DPP10: variants seen among roughly 807,000 people sequenced by gnomAD.
The protein encoded by DPP10 is inactive dipeptidyl peptidase 10.
Under a neutral mutation model 120.9 loss-of-function variants are expected in DPP10, and 33 were observed. The observed-to-expected ratio is 0.27, with a 90% CI of 0.21 to 0.37. DPP10 has a LOEUF of 0.37. Among genes scored for constraint, DPP10 ranks in the 10% least tolerant of loss-of-function variants. The pLI, the probability that DPP10 is intolerant of heterozygous loss-of-function variation, is 1.00. For missense variants in DPP10, 816 were observed against 942.8 expected (o/e 0.87, Z 1.76); for synonymous variants, 337 against 326.1 (o/e 1.03, Z -0.36).
intron 1 of DPP10, among the ~76,000 whole-genome samples, chr2:115,081,187 A>G (rs1258662309): frequency 1.3e-5 from 2 of 152,220 alleles, no homozygotes; most frequent in Non-Finnish European, 1.5e-5. Context: ...AAAATTGTCA[A>G]TCACAATCTT....
chr2:115,075,373 A>G (rs1020915237), intron 1 of DPP10, among the ~76,000 whole-genome samples: 1 of 152,240 alleles, frequency 6.6e-6, no homozygotes, highest in African/African-American at 2.4e-5. Flanking sequence ...GTGTGTAAAG[A>G]TACAGTCAGT....
chr2:115,413,167 A>G (rs1054313739), intron 3 of DPP10, among the ~76,000 whole-genome samples: 2 of 152,132 alleles, frequency 1.3e-5, no homozygotes. Context: ...CATCTGAGGA[A>G]GAGGAAGCAG....
At chr2:115,401,896 GAA>G (rs35488394) in intron 3 of DPP10, among the ~76,000 whole-genome samples, 1 of 146,032 alleles carries the variant, frequency 6.8e-6, no homozygotes, top group African/African-American at 2.5e-5. Flanking sequence ...GGATTTAGCA[GAA>G]AAAAAAAAAT....
At chr2:115,640,877 A>G (rs1465674665) in intron 5 of DPP10, among the ~76,000 whole-genome samples, 1 of 152,212 alleles carries the variant, frequency 6.6e-6, no homozygotes, top group Non-Finnish European at 1.5e-5. Flanking sequence ...ATTAATTTAT[A>G]AAGTACAAAG....
chr2:114,778,834 A>G (rs927905369), intron 1 of DPP10, among the ~76,000 whole-genome samples: 2 of 152,112 alleles, frequency 1.3e-5, no homozygotes, highest in African/African-American at 2.4e-5. Context: ...AGCCTCTGCC[A>G]TAGGGTTCTA....
chr2:114,603,676 C>T (rs916536996), intron 1 of DPP10, among the ~76,000 whole-genome samples: 6 of 152,006 alleles, frequency 3.9e-5, no homozygotes, highest in East Asian at 1.9e-4. Context: ...GAGGATGGGG[C>T]GGTAAACTTG....
chr2:114,628,146 A>G (rs1171803731), intron 1 of DPP10, among the ~76,000 whole-genome samples: 2 of 152,168 alleles, frequency 1.3e-5, no homozygotes, highest in African/African-American at 4.8e-5. Flanking sequence ...AGTTTGTGAC[A>G]GGTGACATTA....
chr2:115,297,222 G>T (rs1009211447), intron 1 of DPP10: 3 of 285,170 alleles, frequency 1.1e-5, no homozygotes, highest in Admixed American at 4.2e-5. Context: ...AGATAATGCT[G>T]CATGGCATAA....
chr2:115,554,479 A>G (rs1404074669), intron 5 of DPP10, among the ~76,000 whole-genome samples: 1 of 152,062 alleles, frequency 6.6e-6, no homozygotes, highest in African/African-American at 2.4e-5. Context: ...TTTGGGGTAG[A>G]TGCACTAAAT....
At chr2:115,483,152 C>T (rs115892667) in intron 3 of DPP10, among the ~76,000 whole-genome samples, 2,293 of 152,114 alleles carry the variant, frequency 0.015, 44 homozygotes, top group African/African-American at 0.052. Flanking sequence ...ATGGTAGTTA[C>T]GTTACCTCCA....
intron 1 of DPP10, among the ~76,000 whole-genome samples, chr2:115,198,132 A>C (rs1458746114): frequency 6.6e-6 from 1 of 152,198 alleles, no homozygotes; most frequent in Non-Finnish European, 1.5e-5. Context: ...GAAATGATTC[A>C]TATATTTGCA....
Position 115,717,869 on chromosome 2 carries a change from G to A in DPP10, c.577-9947G>A, listed in dbSNP as rs980609315. 2.2e-4 allele frequency among the ~76,000 whole-genome samples: 34 copies of A among 152,050 alleles called. 1 individual carries two copies. The highest frequency in any genetic ancestry group is 6.0e-4 in the African/African-American group (25 of 41,364). On this transcript the variant is annotated intron_variant, in intron 7 of 25. Coordinates refer to ENST00000410059, the MANE Select transcript of DPP10 (RefSeq NM_020868.6). ...ATCTCAAAATTCAGGGTCCTGGGTGGGGGCATGACCTAAGGATATTTTATC... is the reference window on the plus strand; with the variant it reads ...ATCTCAAAATTCAGGGTCCTGGGTGAGGGCATGACCTAAGGATATTTTATC...
At chr2:114,470,771 A>G (rs1049917035) in intron 1 of DPP10, among the ~76,000 whole-genome samples, 1 of 152,236 alleles carries the variant, frequency 6.6e-6, no homozygotes, top group African/African-American at 2.4e-5. Context: ...CACAATGACC[A>G]AAGCCAGAGT....
At chr2:115,378,631 A>C (rs1408247036) in intron 3 of DPP10, among the ~76,000 whole-genome samples, 2 of 150,694 alleles carry the variant, frequency 1.3e-5, no homozygotes, top group African/African-American at 2.5e-5. Flanking sequence ...GTCTTGTGTC[A>C]GTTTTCAAAG....
intron 5 of DPP10, among the ~76,000 whole-genome samples, chr2:115,654,426 A>C (rs2088099245): frequency 6.6e-6 from 1 of 151,908 alleles, no homozygotes; most frequent in Non-Finnish European, 1.5e-5. Flanking sequence ...AAAACTAAGC[A>C]CATAATTTAA....
intron 5 of DPP10, among the ~76,000 whole-genome samples, chr2:115,632,709 A>AC: frequency 6.6e-6 from 1 of 152,318 alleles, no homozygotes; most frequent in African/African-American, 2.4e-5. Context: ...TCCAGAATCT[A>AC]TAAAAAACTT....
At chr2:114,900,496 T>C (rs1693469551) in intron 1 of DPP10, among the ~76,000 whole-genome samples, 1 of 152,238 alleles carries the variant, frequency 6.6e-6, no homozygotes, top group South Asian at 2.1e-4. Context: ...TTCTCAGAAA[T>C]TTGGATTTTC....
intron 1 of DPP10, among the ~76,000 whole-genome samples, chr2:115,286,022 A>G (rs113755988): frequency 2.8e-4 from 43 of 151,624 alleles, no homozygotes; most frequent in African/African-American, 1.0e-3. Flanking sequence ...GCTCTAATAA[A>G]TAAAGTGTTC....
intron 1 of DPP10, among the ~76,000 whole-genome samples, chr2:114,905,410 C>T (rs1214123752): frequency 1.3e-5 from 2 of 151,922 alleles, no homozygotes; most frequent in Non-Finnish European, 2.9e-5. Context: ...TTAATTTATT[C>T]CTAAGTATTT....
Sources: allele counts gnomAD v4.1 joint callset (sites outside exome capture counted in the v4.1 genomes callset), GRCh38; gene constraint gnomAD v4.1.1; transcripts MANE v1.5; gene names NCBI Gene and HGNC (gene_info 2026-07-23, HGNC 2026-07-21).